SP2: variants seen among roughly 807,000 people sequenced by gnomAD.
The protein encoded by SP2 is transcription factor Sp2.
Under a neutral mutation model 50.1 loss-of-function variants are expected in SP2, and 9 were observed. That is an observed-to-expected ratio of 0.18 (90% confidence interval 0.11 to 0.31). The LOEUF is 0.31. Among genes scored for constraint, SP2 ranks in the 10% least tolerant of loss-of-function variants. The pLI, the probability that SP2 is intolerant of heterozygous loss-of-function variation, is 1.00. For missense variants in SP2, 581 were observed against 806.5 expected (o/e 0.72, Z 3.39); for synonymous variants, 313 against 326.6 (o/e 0.96, Z 0.45).
intron 3 of SP2, among the ~76,000 whole-genome samples, chr17:47,922,167 G>T (rs571012248): frequency 6.6e-6 from 1 of 151,936 alleles, no homozygotes; most frequent in African/African-American, 2.4e-5. Flanking sequence ...ATAAGTCCTC[G>T]GTATGCAGCC....
At chr17:47,922,132 T>C (rs550432778) in intron 3 of SP2, among the ~76,000 whole-genome samples, 1 of 152,232 alleles carries the variant, frequency 6.6e-6, no homozygotes, top group South Asian at 2.1e-4. Context: ...TCACTCCTAT[T>C]ATCCTTAACA....
rs1484798614 is a variant in SP2 at position 47,916,986 on chromosome 17, C to T, written c.915C>T (p.Pro305=). ...TGGTCCAGCAGGTCCAGGTGGTGCCCCCCAAGGCCGAGCAGCAGCAGGTGG... is the reference window on the plus strand; with the variant it reads ...TGGTCCAGCAGGTCCAGGTGGTGCCTCCCAAGGCCGAGCAGCAGCAGGTGG... ...PAVVQQVQVV[P]PKAEQQQVVQ... Residue 305 remains proline, a synonymous_variant, in exon 3 of 7, where the codon CCC becomes CCT. Transcript: ENST00000376741. The surrounding 1 kb of genome is among the most constrained non-coding windows in gnomAD (Gnocchi z 4.7). 4.3e-6 allele frequency: 7 copies of T among 1,614,044 alleles called. No individual in the cohort carries two copies. The African/African-American group carries it at 5.3e-5, about 12-fold the overall frequency.
Position 47,923,292 on chromosome 17 carries a change from G to A in SP2, c.1372+18G>A, listed in dbSNP as rs2035529463. The A allele has an allele frequency of 6.3e-7, 1 of 1,587,754 alleles. No homozygotes were observed. The highest frequency in any genetic ancestry group is 8.5e-7 in the Non-Finnish European group (1 of 1,171,178). On this transcript the variant is annotated intron_variant, in intron 4 of 6. Coordinates refer to ENST00000376741, the MANE Select transcript of SP2 (RefSeq NM_003110.6). ...CACAGGCGGTGAGGATGGCCCCTGT[G>A]GCCAGGGTGTTGGCAGTGGTACCTG...
At position 47,916,918 on chromosome 17, in the gene SP2, A is replaced by G; in HGVS notation, c.847A>G (p.Asn283Asp). The G allele has an allele frequency of 1.2e-6, 2 of 1,614,062 alleles. No individual in the cohort carries two copies. Among genetic ancestry groups the G allele is most frequent in the South Asian group, 2.2e-5 (2 of 91,068 alleles). ...GGACAACATCATCCAGGCAGGAAAT[A>G]ACCTGCTCATTGTTCAGAGCCCTGG... ...TADNIIQAGN[N>D]LLIVQSPGGG... Residue 283 changes from asparagine (N) to aspartate (D), a missense_variant, in exon 3 of 7, where the codon AAC becomes GAC. Asn to Asp is a conservative substitution (Grantham distance 23, BLOSUM62 1). Transcript: ENST00000376741. The surrounding 1 kb of genome is among the most constrained non-coding windows in gnomAD (Gnocchi z 4.7).
intron 1 of SP2, among the ~76,000 whole-genome samples, chr17:47,907,654 C>G (rs555929840): frequency 2.6e-5 from 4 of 152,076 alleles, no homozygotes. Flanking sequence ...TTTCAGTGAC[C>G]GGATGTAAAC....
In SP2 at chr17:47,928,832, G is replaced by A. The variant is rs1379929036; in HGVS notation, c.*1008G>A. ...ACTTTATTTTTAGTTGTAACTGCTT[G>A]AGGTATGTTTTATGAATTAAGTGAC... On this transcript the variant is annotated 3_prime_UTR_variant, in exon 7 of 7. Coordinates refer to ENST00000376741, the MANE Select transcript of SP2 (RefSeq NM_003110.6). 6.6e-6 allele frequency: 1 copy of A among 152,630 alleles called. No homozygotes were observed. Among genetic ancestry groups the A allele is most frequent in the African/African-American group, 2.4e-5 (1 of 41,454 alleles). 9.5% of individuals were successfully genotyped at this position (152,630 alleles called of 1,614,324 possible).
chr17:47,910,425 G>C (rs1397907162), intron 1 of SP2, among the ~76,000 whole-genome samples: 1 of 152,050 alleles, frequency 6.6e-6, no homozygotes, highest in Non-Finnish European at 1.5e-5. Context: ...TGTGGTTCGT[G>C]GTCTGATAGT....
chr17:47,926,316 T>TTG (rs2035649220), intron 6 of SP2, among the ~76,000 whole-genome samples: 1 of 39,110 alleles, frequency 2.6e-5, no homozygotes, highest in African/African-American at 1.1e-4. Flanking sequence ...TGGCTTTTTG[T>TTG]TTTTTTTTTT....
intron 6 of SP2, 34 bp from the exon 7 acceptor site, chr17:47,927,688 CAG>C (rs1311273710): frequency 7.0e-7 from 1 of 1,437,712 alleles, no homozygotes. Flanking sequence ...GGTCTGTGCA[CAG>C]GGTCTGTGGG....
intron 3 of SP2, among the ~76,000 whole-genome samples, chr17:47,921,242 C>T (rs1283226224): frequency 1.3e-5 from 2 of 152,084 alleles, no homozygotes; most frequent in Admixed American, 6.6e-5. Context: ...TATGGACTCA[C>T]GGATTGCTGC....
intron 3 of SP2, among the ~76,000 whole-genome samples, chr17:47,922,112 G>A (rs975464690): frequency 2.0e-5 from 3 of 152,054 alleles, no homozygotes; most frequent in African/African-American, 7.3e-5. Flanking sequence ...TTCTGTGACA[G>A]TGAGAGCCCT....
At position 47,896,266 on chromosome 17, in the gene SP2, G is replaced by A. The variant is rs1253448926; in HGVS notation, c.-21G>A. 1.2e-5 allele frequency: 15 copies of A among 1,237,604 alleles called. No individual in the cohort carries two copies. Among genetic ancestry groups the A allele is most frequent in the Non-Finnish European group, 1.5e-5 (15 of 988,144 alleles). 76.7% of individuals were successfully genotyped at this position (1,237,604 alleles called of 1,614,324 possible). ...CTCGGTGGCGGCGGAGGCGGCGGAG[G>A]CCAGGGAGGAAGATGTCGTAATGAG... On this transcript the variant is annotated 5_prime_UTR_variant, in exon 1 of 7. Coordinates refer to ENST00000376741, the MANE Select transcript of SP2 (RefSeq NM_003110.6).
rs770755211 is a variant in SP2 at position 47,916,843 on chromosome 17, C to CCTGTGG, written c.782_787dup (p.Val261_Ala262dup). 6.2e-7 allele frequency: 1 copy of CCTGTGG among 1,614,200 alleles called. No homozygotes were observed. Among genetic ancestry groups the CCTGTGG allele is most frequent in the Non-Finnish European group, 8.5e-7 (1 of 1,180,024 alleles). ...GAAGAGCCTTCCTGCCTCCCAGCCC[C>CCTGTGG]CTGTGGCTGTGGCTGAGCAGGTGGA... On this transcript the variant is annotated inframe_insertion, in exon 3 of 7. Transcript: ENST00000376741. This position sits in a 1 kb window ranked among gnomAD's most constrained non-coding sequence, Gnocchi z 4.7.
downstream of SP2, among the ~76,000 whole-genome samples, chr17:47,930,479 C>G (rs1042848236): frequency 6.6e-6 from 1 of 152,196 alleles, no homozygotes; most frequent in Non-Finnish European, 1.5e-5. Context: ...GATTTCCCTT[C>G]TCCAGTGAGA....
chr17:47,905,910 C>A (rs189895655), intron 1 of SP2, among the ~76,000 whole-genome samples: 75 of 152,152 alleles, frequency 4.9e-4, no homozygotes, highest in Middle Eastern at 3.4e-3. Flanking sequence ...GACAGGGTGG[C>A]GTGTTTTAAT....
intron 6 of SP2, among the ~76,000 whole-genome samples, chr17:47,926,770 A>G (rs1338808826): frequency 1.3e-5 from 2 of 152,024 alleles, no homozygotes; most frequent in African/African-American, 2.4e-5. Context: ...AAAAAAAAAA[A>G]AGGATTATAC....
At position 47,927,998 on chromosome 17, in the gene SP2, C is replaced by T. The variant is rs973056608; in HGVS notation, c.*174C>T. 10 of 593,540 alleles carry T rather than the reference C, an allele frequency of 1.7e-5. No homozygotes were observed. In the African/African-American group the frequency reaches 1.9e-4, roughly 11 times the overall value. 36.8% of individuals were successfully genotyped at this position (593,540 alleles called of 1,614,324 possible). A position where few individuals can be genotyped will look rare whatever the true frequency, so the allele number is the denominator to read the frequency against. On this transcript the variant is annotated 3_prime_UTR_variant, in exon 7 of 7. Transcript: ENST00000376741. ...CCCTGTATTGTCCTCCTTCTGAAGC[C>T]CCTTGGCTCTGCCTTGGCCCTTCCC... is the stretch of plus-strand genomic sequence containing the variant.
chr17:47,927,594 G>A, intron 6 of SP2, 130 bp from the exon 7 acceptor site: 1 of 594,146 alleles, frequency 1.7e-6, no homozygotes. Context: ...GTGAGAGCAG[G>A]AGGTGGGCAG....
rs1349516268 is a variant in SP2 at position 47,903,962 on chromosome 17, C to CAA, written c.7+7680_7+7681dup. Among the ~76,000 whole-genome samples the CAA allele has an allele frequency of 4.2e-5, 5 of 118,552 alleles. No individual in the cohort carries two copies. In the South Asian group the frequency reaches 7.8e-4, roughly 19 times the overall value. 77.8% of individuals were successfully genotyped at this position (118,552 alleles called of 152,430 possible). On this transcript the variant is annotated intron_variant, in intron 1 of 6. Coordinates refer to ENST00000376741, the MANE Select transcript of SP2 (RefSeq NM_003110.6). ...CTGGCAACAGAGCGAGACTTTGTCTCAAAAAAAAAAAAGAAGTAGGCCAGG... is the reference window on the plus strand; with the variant it reads ...CTGGCAACAGAGCGAGACTTTGTCTCAAAAAAAAAAAAAAGAAGTAGGCCAGG...
Sources: allele counts gnomAD v4.1 joint callset (sites outside exome capture counted in the v4.1 genomes callset), GRCh38; gene constraint gnomAD v4.1.1; non-coding constraint Gnocchi (gnomAD v3.1); transcripts MANE v1.5; gene names NCBI Gene and HGNC (gene_info 2026-07-23, HGNC 2026-07-21).